The following FBXO11 variants were observed in gnomAD, a reference collection of about 807,000 sequenced individuals.
The protein encoded by FBXO11 is F-box only protein 11.
FBXO11 carries 13 observed loss-of-function variants against 117.0 expected under a neutral mutation model. That is an observed-to-expected ratio of 0.11 (90% CI 0.07 to 0.18). FBXO11 has a LOEUF of 0.18. FBXO11 is among the 10% of genes least tolerant of loss of function. The pLI is 1.00. For missense variants in FBXO11, 767 were observed against 1,164.4 expected (o/e 0.66, Z 4.97); for synonymous variants, 490 against 380.5 (o/e 1.29, Z -3.35).
chr2:47,902,076 C>G (rs1437573427), intron 1 of FBXO11, among the ~76,000 whole-genome samples: 2 of 152,200 alleles, frequency 1.3e-5, no homozygotes, highest in Non-Finnish European at 2.9e-5. Context: ...GCTGGGATTA[C>G]AGGCGTGAGC....
At chr2:47,824,568 T>G (rs1303899927) in intron 11 of FBXO11, among the ~76,000 whole-genome samples, 1 of 152,216 alleles carries the variant, frequency 6.6e-6, no homozygotes, top group African/African-American at 2.4e-5. Context: ...AGCCCATTAA[T>G]AGAGAACTGG....
intron 1 of FBXO11, among the ~76,000 whole-genome samples, chr2:47,853,096 G>T (rs1211835178): frequency 6.6e-6 from 1 of 150,628 alleles, no homozygotes; most frequent in Non-Finnish European, 1.5e-5. Flanking sequence ...TTTTGAGATG[G>T]AGTCTTGCTC....
intron 1 of FBXO11, among the ~76,000 whole-genome samples, chr2:47,903,971 C>G (rs1012642079): frequency 6.6e-6 from 1 of 152,184 alleles, no homozygotes; most frequent in Non-Finnish European, 1.5e-5. Flanking sequence ...TGCACAAGAT[C>G]TCCAACTGCC....
chr2:47,894,680 G>C (rs949767174), intron 1 of FBXO11, among the ~76,000 whole-genome samples: 3 of 152,096 alleles, frequency 2.0e-5, no homozygotes, highest in Non-Finnish European at 4.4e-5. Context: ...AAGTTCCTTA[G>C]ATTTTTAGAC....
intron 1 of FBXO11, among the ~76,000 whole-genome samples, chr2:47,900,625 TATACACAC>T (rs1430769267): frequency 0.022 from 1,148 of 52,232 alleles, 180 homozygotes; most frequent in Non-Finnish European, 0.03. Flanking sequence ...TATACACACG[TATACACAC>T]ACGTACGTAT....
chr2:47,811,456 C>G (rs749096957), intron 18 of FBXO11: 5 of 152,262 alleles, frequency 3.3e-5, no homozygotes, highest in Non-Finnish European at 7.3e-5. Flanking sequence ...CTCAAATGAT[C>G]CACCCACCTG....
At chr2:47,854,850 T>A (rs1674153242) in intron 1 of FBXO11, among the ~76,000 whole-genome samples, 1 of 86,856 alleles carries the variant, frequency 1.2e-5, no homozygotes, top group Non-Finnish European at 2.4e-5. Context: ...ATCTTTATTC[T>A]GTTTTTTTTT....
rs1678081667 is a variant in FBXO11, at chr2:47,900,637, TACGTATATACACACGTATAC to T, written c.232+4832_232+4851del. 1.4e-4 allele frequency among the ~76,000 whole-genome samples: 4 copies of T among 27,676 alleles called. 1 individual carries two copies. Among genetic ancestry groups the T allele is most frequent in the South Asian group, 1.3e-3 (1 of 772 alleles). 18.2% of individuals were successfully genotyped at this position (27,676 alleles called of 152,430 possible). A position where few individuals can be genotyped will look rare whatever the true frequency, so the allele number is the denominator to read the frequency against. On this transcript the variant is annotated intron_variant, in intron 1 of 22. Coordinates refer to ENST00000403359, the MANE Select transcript of FBXO11 (RefSeq NM_001190274.2). ...GTATATACACACGTATACACACACG[TACGTATATACACACGTATAC>T]ACACACGTACGTATATACACACGTA...
intron 18 of FBXO11, chr2:47,810,737 G>A: frequency 4.6e-6 from 1 of 216,192 alleles, no homozygotes; most frequent in South Asian, 1.6e-4. Context: ...GAGTATTGCT[G>A]AATTAAAGCT....
At position 47,808,391 on chromosome 2, in the gene FBXO11, T is replaced by C; in HGVS notation, c.2592A>G (p.Ile864Met). Residue 864 changes from isoleucine (I) to methionine (M), a missense_variant, in exon 22 of 23, where the codon ATA becomes ATG. Transcript: ENST00000403359. Reference protein sequence around the residue: ...HTCNTTDRNAICVNCIKKCHQ... With the variant: ...HTCNTTDRNAMCVNCIKKCHQ... ...GGCACTTCTTAATGCAGTTCACACATATGGCATTTCGATCTGTGGTGTTAC... is the reference window on the plus strand; with the variant it reads ...GGCACTTCTTAATGCAGTTCACACACATGGCATTTCGATCTGTGGTGTTAC... 1.2e-6 allele frequency: 2 copies of C among 1,608,588 alleles called. No homozygotes were observed. Among genetic ancestry groups the C allele is most frequent in the Non-Finnish European group, 1.7e-6 (2 of 1,177,646 alleles).
chr2:47,807,768 G>C lies in FBXO11; in HGVS notation c.*350C>G. 1 of 249,760 alleles carries C rather than the reference G, an allele frequency of 4.0e-6. No homozygotes were observed. Among genetic ancestry groups the C allele is most frequent in the Non-Finnish European group, 7.8e-6 (1 of 127,496 alleles). The allele number at this position is 249,760 out of a possible 1,614,324, so 15.5% of individuals were successfully genotyped here. The stretch of plus-strand genomic sequence containing the variant: ...TGTCCATAAAGGCAGCAACAAAGCT[G>C]CTTGTCTATTGAAGATTACTACTGC... On this transcript the variant is annotated 3_prime_UTR_variant, in exon 23 of 23. Coordinates refer to ENST00000403359, the MANE Select transcript of FBXO11 (RefSeq NM_001190274.2).
intron 1 of FBXO11, among the ~76,000 whole-genome samples, chr2:47,872,526 G>A (rs576212960): frequency 6.6e-6 from 1 of 152,318 alleles, no homozygotes; most frequent in African/African-American, 2.4e-5. Flanking sequence ...GTTTCACCAT[G>A]TTGGCCAGAG....
At chr2:47,839,870 A>T in intron 1 of FBXO11, 101 bp from the exon 2 acceptor site, 1 of 1,021,472 alleles carries the variant, frequency 9.8e-7, no homozygotes, top group South Asian at 1.7e-5. Context: ...GAGGGAGCAG[A>T]TGTAAGTTTT....
intron 11 of FBXO11, among the ~76,000 whole-genome samples, chr2:47,830,247 G>A (rs777228335): frequency 1.1e-4 from 16 of 152,158 alleles, no homozygotes; most frequent in Admixed American, 3.9e-4. Flanking sequence ...TCTCAGCCAT[G>A]CTCAATGCTA....
chr2:47,855,321 G>C (rs1417745651), intron 1 of FBXO11, among the ~76,000 whole-genome samples: 2 of 151,858 alleles, frequency 1.3e-5, no homozygotes, highest in Non-Finnish European at 1.5e-5. Context: ...CCACACCTCA[G>C]CCTCCTTAAG....
intron 1 of FBXO11, among the ~76,000 whole-genome samples, chr2:47,902,628 A>AG (rs372454085): frequency 6.6e-6 from 1 of 152,186 alleles, no homozygotes; most frequent in Non-Finnish European, 1.5e-5. Flanking sequence ...AGTGGTGTCA[A>AG]GGAAGTTTTT....
At position 47,883,191 on chromosome 2, in the gene FBXO11, A is replaced by G. The variant is rs372276921; in HGVS notation, c.232+22298T>C. Among the ~76,000 whole-genome samples, 133 of 152,320 alleles carry G rather than the reference A, an allele frequency of 8.7e-4. 1 individual carries two copies. The highest frequency in any genetic ancestry group is 2.5e-3 in the Admixed American group (38 of 15,294). Reference sequence around the variant, plus strand: ...TTTGTGTTTGGGAAGTTTTGCTGCCATATCAGCTTCTTTTTTATTTTGCGT... The same window carrying G: ...TTTGTGTTTGGGAAGTTTTGCTGCCGTATCAGCTTCTTTTTTATTTTGCGT... On this transcript the variant is annotated intron_variant, in intron 1 of 22. Coordinates refer to ENST00000403359, the MANE Select transcript of FBXO11 (RefSeq NM_001190274.2).
chr2:47,829,427 G>C (rs1030712807), intron 11 of FBXO11, among the ~76,000 whole-genome samples: 2 of 152,018 alleles, frequency 1.3e-5, no homozygotes, highest in African/African-American at 4.8e-5. Context: ...TTCTAGTAGA[G>C]ACAGGGTTTC....
intron 11 of FBXO11, among the ~76,000 whole-genome samples, chr2:47,831,292 T>C (rs1382260388): frequency 6.6e-6 from 1 of 151,640 alleles, no homozygotes; most frequent in Non-Finnish European, 1.5e-5. Context: ...GGTGCATGCC[T>C]GTAATCCCAG....
Sources: gnomAD v4.1 joint callset for allele counts (sites outside exome capture counted in the v4.1 genomes callset) on GRCh38, gnomAD v4.1.1 for gene constraint, MANE v1.5 for transcripts, NCBI Gene and HGNC (gene_info 2026-07-23, HGNC 2026-07-21) for gene names.